The following APBA2 variants were observed in gnomAD, a reference collection of about 807,000 sequenced individuals.
APBA2 encodes the protein amyloid-beta A4 precursor protein-binding family A member 2.
Under a neutral mutation model 75.0 loss-of-function variants are expected in APBA2, and 30 were observed. The ratio of observed to expected loss-of-function variants is 0.40; its 90% CI spans 0.30 to 0.54. The LOEUF (loss-of-function observed/expected upper bound fraction) is 0.54, where lower values mean the gene tolerates loss of function less well. Ranked by LOEUF, APBA2 falls within the 20% of genes least tolerant of loss-of-function variation. The pLI is 0.49. For missense variants in APBA2, 801 were observed against 1,016.1 expected (o/e 0.79, Z 2.88); for synonymous variants, 444 against 409.6 (o/e 1.08, Z -1.01).
At chr15:28,937,918 A>G (rs1346079418) in intron 2 of APBA2, among the ~76,000 whole-genome samples, 1 of 152,098 alleles carries the variant, frequency 6.6e-6, no homozygotes, top group African/African-American at 2.4e-5. Flanking sequence ...CGGCCTCCCA[A>G]AGTGCTGGGA....
intron 2 of APBA2, among the ~76,000 whole-genome samples, chr15:28,924,848 A>T (rs1383710425): frequency 6.6e-6 from 1 of 152,172 alleles, no homozygotes; most frequent in African/African-American, 2.4e-5. Flanking sequence ...GTTTTCCACC[A>T]CAGCTGCACC....
intron 11 of APBA2, among the ~76,000 whole-genome samples, chr15:29,106,317 G>A (rs775527645): frequency 6.6e-6 from 1 of 151,840 alleles, no homozygotes; most frequent in Non-Finnish European, 1.5e-5. Flanking sequence ...GGGCACGGGT[G>A]GGGTTGGGGT....
chr15:28,978,073 C>G (rs72716203), intron 2 of APBA2, among the ~76,000 whole-genome samples: 4,208 of 152,294 alleles, frequency 0.028, 74 homozygotes, highest in Non-Finnish European at 0.031. Context: ...AGGGCTTAGG[C>G]AAAAGACTGG....
chr15:29,063,856 C>T (rs754845168), intron 4 of APBA2, among the ~76,000 whole-genome samples: 1 of 151,968 alleles, frequency 6.6e-6, no homozygotes, highest in Non-Finnish European at 1.5e-5. Flanking sequence ...TCGGGAGTGA[C>T]ACAAAGGAGG....
rs2033795547 is a variant in APBA2, at chr15:28,918,499, G to A, written c.-204-3141G>A. On this transcript the variant is annotated intron_variant, in intron 1 of 14. Coordinates refer to ENST00000683413, the MANE Select transcript of APBA2 (RefSeq NM_001353788.2). This position sits in a 1 kb window ranked among gnomAD's most constrained non-coding sequence, Gnocchi z 4.2. ...AGCAGATGGCTTCCCCCACTGCAAG[G>A]AGGAATCCCGGTGCTCTTCTCCACC... 6.6e-6 allele frequency among the ~76,000 whole-genome samples: 1 copy of A among 152,202 alleles called. No individual in the cohort carries two copies. Among genetic ancestry groups the A allele is most frequent in the African/African-American group, 2.4e-5 (1 of 41,454 alleles).
intron 2 of APBA2, among the ~76,000 whole-genome samples, chr15:28,976,130 A>G (rs2037323766): frequency 6.6e-6 from 1 of 152,248 alleles, no homozygotes. Flanking sequence ...ATTCCCAGGT[A>G]TGAAATTTTG....
chr15:29,090,806 G>T (rs1377966643), intron 6 of APBA2, among the ~76,000 whole-genome samples: 1 of 152,168 alleles, frequency 6.6e-6, no homozygotes, highest in Non-Finnish European at 1.5e-5. Flanking sequence ...CGGCAAGGTG[G>T]TGTGAGGTAG....
rs192552192 is a variant in APBA2 at position 29,092,762 on chromosome 15, G to T, written c.1070-313G>T. On this transcript the variant is annotated intron_variant, in intron 6 of 14. Transcript: ENST00000683413. ...GAAAGTGCTGTTGTGTTTGGGATGT[G>T]ACGCCTTCTGGATTTGCAGCCTGTG... is the stretch of plus-strand genomic sequence containing the variant. Among the ~76,000 whole-genome samples the T allele has an allele frequency of 2.0e-5, 3 of 152,292 alleles. No homozygotes were observed. In the East Asian group the frequency reaches 5.8e-4, roughly 29 times the overall value.
chr15:29,013,472 G>A (rs1289020321), intron 3 of APBA2, among the ~76,000 whole-genome samples: 3 of 151,806 alleles, frequency 2.0e-5, no homozygotes, highest in South Asian at 2.1e-4. Flanking sequence ...AAGTAGAGAC[G>A]GGGTTTCACC....
At chr15:29,102,315 G>A (rs960730780) in intron 10 of APBA2, 4 of 188,608 alleles carry the variant, frequency 2.1e-5, no homozygotes, top group African/African-American at 7.2e-5. Flanking sequence ...CCTGGAGGGG[G>A]ACAGAGGGGC....
intron 1 of APBA2, among the ~76,000 whole-genome samples, chr15:28,891,379 G>T (rs867872937): frequency 4.6e-5 from 7 of 152,108 alleles, no homozygotes; most frequent in African/African-American, 1.7e-4. Context: ...TCCTGCTGGG[G>T]CCCATTTTGT....
At chr15:28,988,610 T>A (rs1404845338) in intron 2 of APBA2, among the ~76,000 whole-genome samples, 1 of 152,254 alleles carries the variant, frequency 6.6e-6, no homozygotes, top group Non-Finnish European at 1.5e-5. Context: ...TTCATCCATG[T>A]GAAAACAGGT....
intron 14 of APBA2, among the ~76,000 whole-genome samples, chr15:29,115,100 G>C (rs2045009846): frequency 6.6e-6 from 1 of 152,008 alleles, no homozygotes; most frequent in Non-Finnish European, 1.5e-5. Context: ...GGGAGGCTGA[G>C]AGCTGAGGAG....
At chr15:28,925,395 A>T (rs1051388109) in intron 2 of APBA2, among the ~76,000 whole-genome samples, 1 of 152,184 alleles carries the variant, frequency 6.6e-6, no homozygotes, top group African/African-American at 2.4e-5. Context: ...AAAGTGAGGA[A>T]GTGTTTCTTC....
chr15:29,045,146 C>T (rs186698862), intron 3 of APBA2, among the ~76,000 whole-genome samples: 85 of 148,862 alleles, frequency 5.7e-4, no homozygotes, highest in Admixed American at 1.9e-3. Flanking sequence ...GGCGTGATCT[C>T]GGCTCACTGC....
chr15:29,001,845 G>A (rs140312140), intron 3 of APBA2, among the ~76,000 whole-genome samples: 1 of 152,128 alleles, frequency 6.6e-6, no homozygotes, highest in South Asian at 2.1e-4. Context: ...AAAGTAGCAC[G>A]AGGAACTGTG....
At chr15:28,913,484 C>A (rs2033527840) in intron 1 of APBA2, among the ~76,000 whole-genome samples, 1 of 152,164 alleles carries the variant, frequency 6.6e-6, no homozygotes, top group Non-Finnish European at 1.5e-5. Context: ...CCTCTGGGCC[C>A]AGGTTTGCAA....
intron 2 of APBA2, among the ~76,000 whole-genome samples, chr15:28,945,090 G>A (rs1267641988): frequency 2.6e-5 from 4 of 152,236 alleles, no homozygotes; most frequent in African/African-American, 4.8e-5. Context: ...CACACAGGAG[G>A]TGCAGCAGAG....
intron 7 of APBA2, 51 bp downstream of exon 7, chr15:29,093,271 A>G (rs771652842): frequency 6.2e-7 from 1 of 1,608,198 alleles, no homozygotes; most frequent in African/African-American, 1.3e-5. Context: ...TTTGGGGGGC[A>G]CTAGCAGGAG....
Sources: allele counts gnomAD v4.1 joint callset (sites outside exome capture counted in the v4.1 genomes callset), GRCh38; gene constraint gnomAD v4.1.1; non-coding constraint Gnocchi (gnomAD v3.1); transcripts MANE v1.5; gene names NCBI Gene and HGNC (gene_info 2026-07-23, HGNC 2026-07-21).